Variants in RO60 observed in about 807,000 individuals in gnomAD.
RO60 encodes the protein RNA-binding protein RO60.
A neutral mutation model predicts 55.3 loss-of-function variants in RO60; 20 were observed. The observed-to-expected ratio is 0.36, with a 90% CI of 0.25 to 0.53. RO60 has a LOEUF of 0.53. Ranked by LOEUF, RO60 falls within the 20% of genes least tolerant of loss-of-function variation. The pLI is 0.92. For missense variants in RO60, 558 were observed against 646.6 expected (o/e 0.86, Z 1.49); for synonymous variants, 213 against 213.6 (o/e 1.00, Z 0.02).
chr1:193,090,330 T>A lies in RO60; in HGVS notation c.*5599T>A, dbSNP rs1013928991. On this transcript the variant is annotated 3_prime_UTR_variant, in exon 9 of 9. Coordinates refer to ENST00000400968, the MANE Select transcript of RO60 (RefSeq NM_001173524.2). Reference sequence around the variant, plus strand: ...CAACAAACATATTGAAACTTGGCTTTATTTGTAACGTAAACTATATATAAT... The same window carrying A: ...CAACAAACATATTGAAACTTGGCTTAATTTGTAACGTAAACTATATATAAT... The A allele has an allele frequency of 6.6e-6, 1 of 152,124 alleles. No homozygotes were observed. The allele number at this position is 152,124 out of a possible 1,614,324, so 9.4% of individuals were successfully genotyped here.
In RO60 at chr1:193,088,863, T is replaced by C. The variant is rs1358427604; in HGVS notation, c.*4132T>C. The stretch of plus-strand genomic sequence containing the variant: ...CTCTTATTTGTTGGAAGATTACTTT[T>C]CTACCTCTTTTTTTTCTTTTAAAAT... On this transcript the variant is annotated 3_prime_UTR_variant, in exon 9 of 9. Coordinates refer to ENST00000400968, the MANE Select transcript of RO60 (RefSeq NM_001173524.2). The C allele has an allele frequency of 1.3e-5, 2 of 152,236 alleles. No homozygotes were observed. Among genetic ancestry groups the C allele is most frequent in the Non-Finnish European group, 2.9e-5 (2 of 68,026 alleles). The allele number at this position is 152,236 out of a possible 1,614,324, so 9.4% of individuals were successfully genotyped here. A position where few individuals can be genotyped will look rare whatever the true frequency, so the allele number is the denominator to read the frequency against.
chr1:193,087,344 A>T lies in RO60; in HGVS notation c.*2613A>T, dbSNP rs1435695080. Reference sequence around the variant, plus strand: ...TGGGAAAATACTGCTTTTAAAAACAATCCTGCAAGAATAAACAAACTTTAT... The same window carrying T: ...TGGGAAAATACTGCTTTTAAAAACATTCCTGCAAGAATAAACAAACTTTAT... On this transcript the variant is annotated 3_prime_UTR_variant, in exon 9 of 9. Coordinates refer to ENST00000400968, the MANE Select transcript of RO60 (RefSeq NM_001173524.2). The T allele has an allele frequency of 1.3e-5, 2 of 152,184 alleles. No homozygotes were observed. The highest frequency in any genetic ancestry group is 2.9e-5 in the Non-Finnish European group (2 of 68,016). 9.4% of individuals were successfully genotyped at this position (152,184 alleles called of 1,614,324 possible).
intron 5 of RO60, among the ~76,000 whole-genome samples, chr1:193,079,490 G>A (rs143844952): frequency 1.3e-5 from 2 of 152,282 alleles, no homozygotes; most frequent in African/African-American, 4.8e-5. Flanking sequence ...ACAAAAGAAT[G>A]AAGTTGGACC....
chr1:193,076,473 G>C, intron 3 of RO60, 28 bp from the exon 4 acceptor site: 1 of 1,601,626 alleles, frequency 6.2e-7, no homozygotes, highest in Non-Finnish European at 8.5e-7. Flanking sequence ...CTTAATTCCT[G>C]GTATTTCTGC....
At chr1:193,082,739 C>G in intron 8 of RO60, 31 bp downstream of exon 8, 1 of 1,523,126 alleles carries the variant, frequency 6.6e-7, no homozygotes. Context: ...GTTCCTCACC[C>G]AAATAATATT....
chr1:193,083,392 G>T (rs890707254), intron 8 of RO60, among the ~76,000 whole-genome samples: 5 of 152,114 alleles, frequency 3.3e-5, no homozygotes, highest in Non-Finnish European at 7.4e-5. Flanking sequence ...ATGTTTTATG[G>T]ACATATCTGT....
chr1:193,075,573 T>C (rs575934576), intron 2 of RO60, among the ~76,000 whole-genome samples: 3 of 152,066 alleles, frequency 2.0e-5, no homozygotes, highest in Non-Finnish European at 4.4e-5. Flanking sequence ...AAAGCCTCTG[T>C]AACAAAATAC....
In RO60 at chr1:193,069,063, A is replaced by G. The variant is rs1201237854; in HGVS notation, c.9A>G (p.Glu3=). Residue 3 remains glutamate, a synonymous_variant, in exon 2 of 9, where the codon GAA becomes GAG. Transcript: ENST00000400968. ...CCTAAAGACAAAAAAAAATGGAGGA[A>G]TCTGTAAACCAAATGCAGCCACTGA... ME[E]SVNQMQPLNE... is the part of the protein sequence containing the mutation. The G allele has an allele frequency of 6.2e-7, 1 of 1,602,186 alleles. No homozygotes were observed. The highest frequency in any genetic ancestry group is 1.1e-5 in the South Asian group (1 of 89,304).
Position 193,074,712 on chromosome 1 carries a change from T to G in RO60, c.581-1108T>G, listed in dbSNP as rs369451812. Among the ~76,000 whole-genome samples the G allele has an allele frequency of 2.2e-4, 34 of 152,374 alleles. No homozygotes were observed. In the East Asian group the frequency reaches 2.7e-3, roughly 12 times the overall value. ...TGTTCACTCTGATGGTAGTTTCTTTTGCTGTGCAGAAGCTCTTTAGTTGAA... is the reference window on the plus strand; with the variant it reads ...TGTTCACTCTGATGGTAGTTTCTTTGGCTGTGCAGAAGCTCTTTAGTTGAA... On this transcript the variant is annotated intron_variant, in intron 2 of 8. Coordinates refer to ENST00000400968, the MANE Select transcript of RO60 (RefSeq NM_001173524.2).
In RO60 at chr1:193,082,659, C is replaced by T; in HGVS notation, c.1415C>T (p.Thr472Ile). 1 of 1,613,784 alleles carries T rather than the reference C, an allele frequency of 6.2e-7. No homozygotes were observed. ...DVFIVFTDNE[T>I]FAGGVHPAIA... ...TTCATTGTATTCACTGATAATGAGA[C>T]CTTTGCTGGAGGTGTCCATCCTGCT... Residue 472 changes from threonine to isoleucine, a missense_variant, in exon 8 of 9, where the codon ACC becomes ATC. By Grantham distance (89) the Thr-to-Ile change is moderately conservative. Coordinates refer to ENST00000400968, the MANE Select transcript of RO60 (RefSeq NM_001173524.2).
rs549404223 is a variant in RO60, at chr1:193,084,866, GA to G, written c.*147del. The G allele has an allele frequency of 0.089, 74,508 of 841,766 alleles. 84 individuals are homozygous for G. Among genetic ancestry groups the G allele is most frequent in the South Asian group, 0.17 (7,766 of 44,968 alleles). 52.1% of individuals were successfully genotyped at this position (841,766 alleles called of 1,614,324 possible). A position where few individuals can be genotyped will look rare whatever the true frequency, so the allele number is the denominator to read the frequency against. ...GTGCATAATGGAAAGTTACCTTACT[GA>G]AAAAAAAAAAAGAAGGAAAAATAAG... On this transcript the variant is annotated 3_prime_UTR_variant, in exon 9 of 9. Coordinates refer to ENST00000400968, the MANE Select transcript of RO60 (RefSeq NM_001173524.2).
chr1:193,079,589 C>T (rs1674158382), intron 5 of RO60, among the ~76,000 whole-genome samples: 1 of 152,016 alleles, frequency 6.6e-6, no homozygotes, highest in Non-Finnish European at 1.5e-5. Context: ...AAAACACAGG[C>T]AGCAAAAGAA....
At chr1:193,079,712 G>A (rs1674168102) in intron 5 of RO60, among the ~76,000 whole-genome samples, 1 of 152,084 alleles carries the variant, frequency 6.6e-6, no homozygotes, top group African/African-American at 2.4e-5. Flanking sequence ...CCATATGTCC[G>A]ATAAGGGCCT....
rs899887970 is a variant in RO60 at position 193,090,170 on chromosome 1, GA to G, written c.*5442del. The stretch of plus-strand genomic sequence containing the variant: ...TATCAGAATATATGCTTGAACAAAG[GA>G]AATAGTAAATTAGCTATATGTCTGC... On this transcript the variant is annotated 3_prime_UTR_variant, in exon 9 of 9. Transcript: ENST00000400968. 11 of 152,116 alleles carry G rather than the reference GA, an allele frequency of 7.2e-5. No individual in the cohort carries two copies. The highest frequency in any genetic ancestry group is 2.4e-4 in the African/African-American group (10 of 41,420). The allele number at this position is 152,116 out of a possible 1,614,324, so 9.4% of individuals were successfully genotyped here. A position where few individuals can be genotyped will look rare whatever the true frequency, so the allele number is the denominator to read the frequency against.
intron 8 of RO60, among the ~76,000 whole-genome samples, chr1:193,084,117 C>A (rs567076417): frequency 3.3e-5 from 5 of 152,200 alleles, no homozygotes; most frequent in Non-Finnish European, 5.9e-5. Context: ...TTTAATCTTA[C>A]ATTTAGCTGT....
At chr1:193,061,117 T>C (rs1672643327) in intron 1 of RO60, among the ~76,000 whole-genome samples, 1 of 152,206 alleles carries the variant, frequency 6.6e-6, no homozygotes, top group Non-Finnish European at 1.5e-5. Context: ...AGAGTTTACA[T>C]AAAAAGCCAG....
In RO60 at chr1:193,087,276, T is replaced by G. The variant is rs1331861003; in HGVS notation, c.*2545T>G. ...AAAATGTACTGAAGTGATAAGTTTT[T>G]TATTTCCTGAGTTACTTTTAGGATT... On this transcript the variant is annotated 3_prime_UTR_variant, in exon 9 of 9. Transcript: ENST00000400968. 1 of 152,186 alleles carries G rather than the reference T, an allele frequency of 6.6e-6. No individual in the cohort carries two copies. 9.4% of individuals were successfully genotyped at this position (152,186 alleles called of 1,614,324 possible). A position where few individuals can be genotyped will look rare whatever the true frequency, so the allele number is the denominator to read the frequency against.
chr1:193,089,801 ACTT>A lies in RO60; in HGVS notation c.*5071_*5073del, dbSNP rs1674779909. On this transcript the variant is annotated 3_prime_UTR_variant, in exon 9 of 9. Transcript: ENST00000400968. Reference sequence around the variant, plus strand: ...ATTTTATGAACATAAATGATATTTAACTTTTCTTTTTTTTTTTTTTTTTGAGAC... The same window carrying A: ...ATTTTATGAACATAAATGATATTTAATTCTTTTTTTTTTTTTTTTTGAGAC... 1 of 149,374 alleles carries A rather than the reference ACTT, an allele frequency of 6.7e-6. No homozygotes were observed. Among genetic ancestry groups the A allele is most frequent in the South Asian group, 2.1e-4 (1 of 4,774 alleles). 9.3% of individuals were successfully genotyped at this position (149,374 alleles called of 1,614,324 possible).
rs1673949164 is a variant in RO60 at position 193,076,745 on chromosome 1, A to G, written c.948+98A>G. The G allele has an allele frequency of 9.5e-6, 13 of 1,374,592 alleles. No individual in the cohort carries two copies. The Admixed American group carries it at 2.6e-4, about 27-fold the overall frequency. 85.1% of individuals were successfully genotyped at this position (1,374,592 alleles called of 1,614,324 possible). ...CAGTGCATTTTTAAGGTATTTCGAG[A>G]TGTTCATTATACCAAATTGCATTAT... On this transcript the variant is annotated intron_variant, in intron 4 of 8. Transcript: ENST00000400968.
Sources: allele counts gnomAD v4.1 joint callset (sites outside exome capture counted in the v4.1 genomes callset), GRCh38; gene constraint gnomAD v4.1.1; transcripts MANE v1.5; gene names NCBI Gene and HGNC (gene_info 2026-07-23, HGNC 2026-07-21).